CIITA: variants seen among roughly 807,000 people sequenced by gnomAD.
CIITA encodes the protein MHC class II transactivator.
In CIITA, 72 loss-of-function variants were observed where a neutral mutation model predicts 115.1. The ratio of observed to expected loss-of-function variants is 0.63; its 90% confidence interval spans 0.52 to 0.76. The LOEUF (loss-of-function observed/expected upper bound fraction) is 0.76, where lower values mean the gene tolerates loss of function less well. Ranked by LOEUF, CIITA falls within the 30% of genes least tolerant of loss-of-function variation. The pLI is 0.00. For synonymous variants in CIITA, 763 were observed against 635.6 expected (o/e 1.20, Z -3.02); for missense variants, 1,617 against 1,463.8 (o/e 1.10, Z -1.71).
intron 1 of CIITA, among the ~76,000 whole-genome samples, chr16:10,868,635 G>A (rs2035261126): frequency 6.6e-6 from 1 of 152,158 alleles, no homozygotes; most frequent in African/African-American, 2.4e-5. Flanking sequence ...GATGCCACCT[G>A]GGGGAGAAGC....
At chr16:10,882,063 T>G (rs1206064750) in intron 1 of CIITA, among the ~76,000 whole-genome samples, 2 of 152,340 alleles carry the variant, frequency 1.3e-5, no homozygotes, top group East Asian at 3.9e-4. Context: ...ATCCATTCAT[T>G]TGTTGATAGA....
At chr16:10,898,773 A>G in intron 4 of CIITA, 41 bp downstream of exon 4, 1 of 1,610,698 alleles carries the variant, frequency 6.2e-7, no homozygotes, top group Non-Finnish European at 8.5e-7. Flanking sequence ...CTCAGCCTGC[A>G]TTTCCTGCCT....
In CIITA at chr16:10,929,650, G is replaced by A. The variant is rs2040691718; in HGVS notation, c.*5795G>A. On this transcript the variant is annotated 3_prime_UTR_variant, in exon 20 of 20. Transcript: ENST00000324288. The surrounding 1 kb of genome is among the most constrained non-coding windows in gnomAD (Gnocchi z 4.3). ...GACAGGGACCAATCCACCAGGCTCG[G>A]GAGGCTTGGGGTGGGGCAGGGAAGT... is the stretch of plus-strand genomic sequence containing the variant. The A allele has an allele frequency of 2.5e-6, 2 of 813,778 alleles. No individual in the cohort carries two copies. The highest frequency in any genetic ancestry group is 1.9e-5 in the African/African-American group (1 of 53,814). The allele number at this position is 813,778 out of a possible 1,614,324, so 50.4% of individuals were successfully genotyped here. A position where few individuals can be genotyped will look rare whatever the true frequency, so the allele number is the denominator to read the frequency against.
At position 10,902,038 on chromosome 16, in the gene CIITA, C is replaced by G. The variant is rs763457920; in HGVS notation, c.482C>G (p.Ala161Gly). The change falls in exon 7 of 20, where the codon GCT (alanine) becomes GGT (glycine). Residue 161 changes from alanine to glycine, a missense_variant and splice_region_variant. Ala to Gly is a moderately conservative substitution (Grantham distance 60, BLOSUM62 0). Coordinates refer to ENST00000324288, the MANE Select transcript of CIITA (RefSeq NM_000246.4). Reference protein sequence around the residue: ...LPADLKHWKPAEPPTVVTGSL... With the variant: ...LPADLKHWKPGEPPTVVTGSL... Reference sequence around the variant, plus strand: ...TCTAACACAGCCCACTTCCTCACAGCTGAGCCCCCCACTGTGGTGACTGGC... The same window carrying G: ...TCTAACACAGCCCACTTCCTCACAGGTGAGCCCCCCACTGTGGTGACTGGC... The G allele has an allele frequency of 5.0e-6, 8 of 1,613,972 alleles. No individual in the cohort carries two copies. The highest frequency in any genetic ancestry group is 6.8e-6 in the Non-Finnish European group (8 of 1,180,044).
chr16:10,895,896 A>G (rs2038078805), intron 3 of CIITA, 132 bp downstream of exon 3: 1 of 909,476 alleles, frequency 1.1e-6, no homozygotes, highest in African/African-American at 1.6e-5. Flanking sequence ...GGGGATGCGG[A>G]GCAATGGCTG....
rs202244966 is a variant in CIITA at position 10,910,235 on chromosome 16, G to A, written c.2864G>A (p.Arg955Gln). Residue 955 changes from arginine (R) to glutamine (Q), a missense_variant, in exon 13 of 20, where the codon CGG (arginine) becomes CAG (glutamine). Physicochemically the swap from Arg to Gln is conservative, Grantham distance 43. Transcript: ENST00000324288. ...ACAGCTGGGGAGCTCCCTGCTGTTC[G>A]GGACCTAAAGAAACTGGAGTTTGCG... ...EDTAGELPAV[R>Q]DLKKLEFALG... 3.3e-5 allele frequency: 53 copies of A among 1,613,942 alleles called. No homozygotes were observed. Among genetic ancestry groups the A allele is most frequent in the Admixed American group, 1.7e-4 (10 of 60,024 alleles).
chr16:10,910,724 C>T (rs1315656809), intron 13 of CIITA, among the ~76,000 whole-genome samples: 1 of 152,198 alleles, frequency 6.6e-6, no homozygotes, highest in African/African-American at 2.4e-5. Flanking sequence ...AATGTGTCCC[C>T]AACCTTCCAT....
intron 1 of CIITA, among the ~76,000 whole-genome samples, chr16:10,891,797 C>G (rs2037609790): frequency 1.3e-5 from 2 of 152,190 alleles, no homozygotes; most frequent in Non-Finnish European, 2.9e-5. Context: ...TGGCCCTGCT[C>G]CAGGAAAAGG....
At position 10,931,713 on chromosome 16, in the gene CIITA, A is replaced by C. The variant is rs180690408; in HGVS notation, c.*7858A>C. The C allele has an allele frequency of 2.0e-5, 3 of 152,368 alleles. No individual in the cohort carries two copies. Among genetic ancestry groups the C allele is most frequent in the Admixed American group, 6.5e-5 (1 of 15,298 alleles). The allele number at this position is 152,368 out of a possible 1,614,324, so 9.4% of individuals were successfully genotyped here. A position where few individuals can be genotyped will look rare whatever the true frequency, so the allele number is the denominator to read the frequency against. ...GCCAACATGGCGAAACCGCGTCTCT[A>C]CTAAAAACAAACAAACAAAAATACA... On this transcript the variant is annotated 3_prime_UTR_variant, in exon 20 of 20. Coordinates refer to ENST00000324288, the MANE Select transcript of CIITA (RefSeq NM_000246.4).
At chr16:10,884,794 T>C (rs1225317069) in intron 1 of CIITA, among the ~76,000 whole-genome samples, 1 of 152,150 alleles carries the variant, frequency 6.6e-6, no homozygotes, top group Non-Finnish European at 1.5e-5. Flanking sequence ...GCTGCAACTT[T>C]AGTGCTTCCT....
chr16:10,891,563 T>C (rs2144105710), intron 1 of CIITA, among the ~76,000 whole-genome samples: 1 of 152,216 alleles, frequency 6.6e-6, no homozygotes, highest in South Asian at 2.1e-4. Flanking sequence ...CTAGGATCAG[T>C]CTGGAGCTCT....
In CIITA at chr16:10,934,256, T is replaced by C. The variant is rs2040926822; in HGVS notation, c.*10401T>C. ...TTATTTACTTAGTATTTTAAACCAA[T>C]GTACTTTTTAAACTCCAATTTTTTA... is the stretch of plus-strand genomic sequence containing the variant. On this transcript the variant is annotated 3_prime_UTR_variant, in exon 20 of 20. Transcript: ENST00000324288. This position sits in a 1 kb window ranked among gnomAD's most constrained non-coding sequence, Gnocchi z 4.2. 6.6e-6 allele frequency: 1 copy of C among 152,218 alleles called. No individual in the cohort carries two copies. The highest frequency in any genetic ancestry group is 2.4e-5 in the African/African-American group (1 of 41,454). 9.4% of individuals were successfully genotyped at this position (152,218 alleles called of 1,614,324 possible).
At position 10,902,740 on chromosome 16, in the gene CIITA, C is replaced by G. The variant is rs2038871842; in HGVS notation, c.711C>G (p.Pro237=). The G allele has an allele frequency of 1.9e-6, 3 of 1,614,124 alleles. No individual in the cohort carries two copies. Among genetic ancestry groups the G allele is most frequent in the Non-Finnish European group, 2.5e-6 (3 of 1,180,048 alleles). ...IQFVPTISTL[P]HGLWQISEAG... is the part of the protein sequence containing the mutation. ...TTGTCCCCACCATCTCCACTCTGCC[C>G]CATGGGCTCTGGCAAATCTCTGAGG... is the stretch of plus-strand genomic sequence containing the variant. The change falls in exon 8 of 20, where the codon CCC becomes CCG. Residue 237 remains proline (P), a synonymous_variant. Coordinates refer to ENST00000324288, the MANE Select transcript of CIITA (RefSeq NM_000246.4).
chr16:10,939,807 T>C (rs111619866), downstream of CIITA: 238 of 152,436 alleles, frequency 1.6e-3, 1 homozygote, highest in African/African-American at 5.6e-3. This position sits in a 1 kb window ranked among gnomAD's most constrained non-coding sequence, Gnocchi z 4.9. Context: ...CCTGCCTTCA[T>C]AGTTCCGAAA....
At chr16:10,914,059 C>T (rs892870434) in intron 13 of CIITA, among the ~76,000 whole-genome samples, 1 of 152,196 alleles carries the variant, frequency 6.6e-6, no homozygotes, top group Non-Finnish European at 1.5e-5. Context: ...CATCAGCTTG[C>T]TTTCCGATTT....
At position 10,923,254 on chromosome 16, in the gene CIITA, G is replaced by A. The variant is rs138790505; in HGVS notation, c.3344G>A (p.Ser1115Asn). 571 of 1,613,610 alleles carry A rather than the reference G, an allele frequency of 3.5e-4. No individual in the cohort carries two copies. Among genetic ancestry groups the A allele is most frequent in the Middle Eastern group, 2.3e-3 (14 of 6,062 alleles). Residue 1115 changes from serine to asparagine, a missense_variant, in exon 19 of 20, where the codon AGT becomes AAT. Coordinates refer to ENST00000324288, the MANE Select transcript of CIITA (RefSeq NM_000246.4). The surrounding 1 kb of genome is among the most constrained non-coding windows in gnomAD (Gnocchi z 5.2). The part of the protein sequence containing the change: ...LAMWTPTIPF[S>N]VQEHLQQQDS... ...ATGTGGACGCCCACCATCCCATTCA[G>A]TGTCCAGGAACACCTGCAACAACAG...
intron 9 of CIITA, 26 bp downstream of exon 9, chr16:10,903,921 G>A: frequency 6.2e-7 from 1 of 1,614,102 alleles, no homozygotes; most frequent in Non-Finnish European, 8.5e-7. Flanking sequence ...GCCTGTGAGA[G>A]GTACTAGAAG....
rs768484575 is a variant in CIITA at position 10,903,750 on chromosome 16, C to A, written c.792C>A (p.Ser264Arg). 1.9e-6 allele frequency: 3 copies of A among 1,614,022 alleles called. No individual in the cohort carries two copies. The highest frequency in any genetic ancestry group is 2.2e-5 in the South Asian group (2 of 91,080). Residue 264 changes from serine (S) to arginine (R), a missense_variant, in exon 9 of 20, where the codon AGC becomes AGA. Coordinates refer to ENST00000324288, the MANE Select transcript of CIITA (RefSeq NM_000246.4). Reference sequence around the variant, plus strand: ...ATGTAGGTGAGGTGCCCCAGGCCAGCCAAGTACCCCCTCCCAGTGGATTCA... The same window carrying A: ...ATGTAGGTGAGGTGCCCCAGGCCAGACAAGTACCCCCTCCCAGTGGATTCA... Reference protein sequence around the residue: ...FIYHGEVPQASQVPPPSGFTV... With the variant: ...FIYHGEVPQARQVPPPSGFTV...
intron 1 of CIITA, among the ~76,000 whole-genome samples, chr16:10,880,970 T>C (rs942761629): frequency 6.6e-6 from 1 of 152,070 alleles, no homozygotes; most frequent in Non-Finnish European, 1.5e-5. Context: ...CCTAAAGGGA[T>C]TGTTTAGAAA....
Sources: gnomAD v4.1 joint callset for allele counts (sites outside exome capture counted in the v4.1 genomes callset) on GRCh38, gnomAD v4.1.1 for gene constraint, Gnocchi (gnomAD v3.1) non-coding constraint, MANE v1.5 for transcripts, NCBI Gene and HGNC (gene_info 2026-07-23, HGNC 2026-07-21) for gene names.